Variants in CSMD1 observed in about 807,000 individuals in gnomAD.
CSMD1 encodes CUB and Sushi multiple domains 1, also known as CUB and sushi domain-containing protein 1.
Under a neutral mutation model 417.5 loss-of-function variants are expected in CSMD1, and 213 were observed. The ratio of observed to expected loss-of-function variants is 0.51; its 90% CI spans 0.46 to 0.57. The LOEUF (loss-of-function observed/expected upper bound fraction) is 0.57. CSMD1 is among the 20% of genes least tolerant of loss of function. CSMD1 has a pLI of 0.00. For missense variants in CSMD1, 6,923 were observed against 4,529.7 expected, an observed-to-expected ratio of 1.53 and a Z score of -15.17; for synonymous variants, 2,862 against 1,736.8, an observed-to-expected ratio of 1.65 and a Z score of -16.11.
intron 3 of CSMD1, among the ~76,000 whole-genome samples, chr8:4,280,101 T>G (rs1796698284): frequency 6.6e-6 from 1 of 152,246 alleles, no homozygotes; most frequent in Non-Finnish European, 1.5e-5. Flanking sequence ...CTGTTTTGTA[T>G]GCTCTCTTCA....
intron 37 of CSMD1, among the ~76,000 whole-genome samples, chr8:3,164,153 G>C (rs1009152595): frequency 6.6e-6 from 1 of 152,162 alleles, no homozygotes; most frequent in Non-Finnish European, 1.5e-5. Flanking sequence ...TACCGTGATT[G>C]TTCATTTGAG....
intron 2 of CSMD1, among the ~76,000 whole-genome samples, chr8:4,514,823 G>C (rs1359568598): frequency 6.6e-6 from 1 of 152,130 alleles, no homozygotes; most frequent in African/African-American, 2.4e-5. Context: ...TGCTGTTACT[G>C]TTTTCCAACT....
At chr8:3,071,470 T>G (rs1445398550) in intron 49 of CSMD1, among the ~76,000 whole-genome samples, 1 of 152,146 alleles carries the variant, frequency 6.6e-6, no homozygotes. Flanking sequence ...TATGCCTATG[T>G]AACAAACCTG....
intron 3 of CSMD1, among the ~76,000 whole-genome samples, chr8:4,145,474 G>A (rs985512756): frequency 8.6e-5 from 13 of 151,100 alleles, no homozygotes; most frequent in South Asian, 4.2e-4. Context: ...AAATATATAC[G>A]GTAAACTAGA....
At chr8:3,679,741 A>G (rs1563265590) in intron 7 of CSMD1, among the ~76,000 whole-genome samples, 1 of 152,212 alleles carries the variant, frequency 6.6e-6, no homozygotes. Flanking sequence ...CATTCTTCTC[A>G]GCATCACACC....
chr8:3,356,567 C>T (rs992711061), intron 21 of CSMD1, among the ~76,000 whole-genome samples: 1 of 152,082 alleles, frequency 6.6e-6, no homozygotes, highest in African/African-American at 2.4e-5. Context: ...CCCAGCAACT[C>T]GGGAGGATGA....
At chr8:3,765,221 C>G (rs781164533) in intron 5 of CSMD1, among the ~76,000 whole-genome samples, 2 of 152,184 alleles carry the variant, frequency 1.3e-5, no homozygotes, top group Non-Finnish European at 2.9e-5. Flanking sequence ...ATCACTCCCT[C>G]GACTGTCTGC....
At chr8:4,151,320 A>G (rs1032430519) in intron 3 of CSMD1, among the ~76,000 whole-genome samples, 1 of 152,230 alleles carries the variant, frequency 6.6e-6, no homozygotes, top group Non-Finnish European at 1.5e-5. Flanking sequence ...CCTAAGATCA[A>G]TGCTTCAAGA....
chr8:4,137,205 A>C lies in CSMD1; in HGVS notation c.416-105106T>G, dbSNP rs535658538. On this transcript the variant is annotated intron_variant, in intron 3 of 69. Coordinates refer to ENST00000635120, the MANE Select transcript of CSMD1 (RefSeq NM_033225.6). ...ATAGCATTAGCCTCATCTTGCCTGG[A>C]AACAGTTGCCTTTAATTAATTCTCC... Among the ~76,000 whole-genome samples, 39 of 152,334 alleles carry C rather than the reference A, an allele frequency of 2.6e-4. No individual in the cohort carries two copies. The South Asian group carries it at 3.1e-3, about 12-fold the overall frequency.
intron 3 of CSMD1, among the ~76,000 whole-genome samples, chr8:4,278,905 C>A (rs769004818): frequency 1.4e-4 from 22 of 152,178 alleles, no homozygotes; most frequent in Admixed American, 6.5e-5. Flanking sequence ...GATAACTTCT[C>A]TGAAAGTAAC....
chr8:4,211,485 T>G (rs1414092529), intron 3 of CSMD1, among the ~76,000 whole-genome samples: 2 of 152,244 alleles, frequency 1.3e-5, no homozygotes, highest in Non-Finnish European at 2.9e-5. Context: ...ATTTTGAAAA[T>G]TTCACTGGGT....
intron 4 of CSMD1, among the ~76,000 whole-genome samples, chr8:4,006,102 C>G (rs1436866047): frequency 1.3e-5 from 2 of 152,202 alleles, no homozygotes; most frequent in African/African-American, 4.8e-5. Context: ...ACAGAAAGCA[C>G]CATGTCCGAG....
intron 3 of CSMD1, among the ~76,000 whole-genome samples, chr8:4,198,711 A>G (rs1271337207): frequency 1.3e-5 from 2 of 152,108 alleles, no homozygotes; most frequent in African/African-American, 4.8e-5. Context: ...TACTAAGTGT[A>G]TTTTAATATA....
At chr8:4,399,423 G>A (rs947911839) in intron 3 of CSMD1, among the ~76,000 whole-genome samples, 4 of 152,212 alleles carry the variant, frequency 2.6e-5, no homozygotes, top group African/African-American at 9.6e-5. Context: ...AACGTCATAT[G>A]TGAGAAATTG....
intron 2 of CSMD1, among the ~76,000 whole-genome samples, chr8:4,528,916 G>C (rs1796658583): frequency 6.6e-6 from 1 of 152,136 alleles, no homozygotes; most frequent in East Asian, 1.9e-4. Context: ...ATTAGCTTGA[G>C]TTCAAGGAGT....
At chr8:3,841,120 G>A (rs1000737093) in intron 5 of CSMD1, among the ~76,000 whole-genome samples, 1 of 152,010 alleles carries the variant, frequency 6.6e-6, no homozygotes, top group Admixed American at 6.6e-5. Context: ...AGGAAGCCTG[G>A]CACTATTGGC....
At chr8:4,444,917 T>A (rs1464012052) in intron 2 of CSMD1, among the ~76,000 whole-genome samples, 1 of 152,170 alleles carries the variant, frequency 6.6e-6, no homozygotes, top group Admixed American at 6.5e-5. Flanking sequence ...GTCTTACATA[T>A]TTGCTCCCTT....
chr8:3,127,079 C>T (rs567499341), intron 41 of CSMD1, among the ~76,000 whole-genome samples: 2 of 152,250 alleles, frequency 1.3e-5, no homozygotes, highest in South Asian at 2.1e-4. Flanking sequence ...GGAGAACATC[C>T]GTCAACAATG....
chr8:4,230,578 C>G (rs1334433785), intron 3 of CSMD1, among the ~76,000 whole-genome samples: 1 of 152,140 alleles, frequency 6.6e-6, no homozygotes, highest in African/African-American at 2.4e-5. Flanking sequence ...TCATAAAACA[C>G]ATCCTTAATG....
Sources: gnomAD v4.1 joint callset for allele counts (sites outside exome capture counted in the v4.1 genomes callset) on GRCh38, gnomAD v4.1.1 for gene constraint, MANE v1.5 for transcripts, NCBI Gene and HGNC (gene_info 2026-07-23, HGNC 2026-07-21) for gene names.